The following OPCML variants were observed in gnomAD, a reference collection of about 807,000 sequenced individuals.
The protein encoded by OPCML is opioid-binding protein/cell adhesion molecule.
Under a neutral mutation model 37.8 loss-of-function variants are expected in OPCML, and 13 were observed. That is an observed-to-expected ratio of 0.34 (90% CI 0.22 to 0.55). OPCML has a LOEUF of 0.55. Ranked by LOEUF, OPCML falls within the 20% of genes least tolerant of loss-of-function variation. The pLI, the probability that OPCML is intolerant of heterozygous loss-of-function variation, is 0.91. For missense variants in OPCML, 341 were observed against 435.6 expected (o/e 0.78, Z 1.93); for synonymous variants, 176 against 168.8 (o/e 1.04, Z -0.33).
chr11:133,296,876 C>A (rs537076778), intron 1 of OPCML, among the ~76,000 whole-genome samples: 1 of 152,188 alleles, frequency 6.6e-6, no homozygotes, highest in Non-Finnish European at 1.5e-5. Flanking sequence ...AGAACCCACA[C>A]AATAATTTGA....
chr11:133,422,795 A>G, intron 1 of OPCML: 1 of 900,254 alleles, frequency 1.1e-6, no homozygotes, highest in Non-Finnish European at 1.3e-6. Flanking sequence ...ATATTACAAA[A>G]TAAAAGAAAC....
chr11:132,982,495 G>C (rs1946608093), intron 1 of OPCML, among the ~76,000 whole-genome samples: 1 of 142,948 alleles, frequency 7.0e-6, no homozygotes, highest in African/African-American at 2.7e-5. Flanking sequence ...TAAAAAAGGA[G>C]ACAATAAAAG....
At chr11:132,518,484 G>T (rs1438795887) in intron 4 of OPCML, among the ~76,000 whole-genome samples, 1 of 152,152 alleles carries the variant, frequency 6.6e-6, no homozygotes, top group East Asian at 1.9e-4. Flanking sequence ...ATGCATTCAA[G>T]ACACAGCTCT....
intron 4 of OPCML, among the ~76,000 whole-genome samples, chr11:132,485,449 G>A (rs58882087): frequency 0.036 from 5,539 of 152,202 alleles, 319 homozygotes; most frequent in African/African-American, 0.12. Flanking sequence ...GTTTTGGCAA[G>A]CGTGAACACT....
In OPCML at chr11:132,620,360, T is replaced by A. The variant is rs77460983; in HGVS notation, c.379+36727A>T. Among the ~76,000 whole-genome samples, 1,511 of 152,338 alleles carry A rather than the reference T, an allele frequency of 9.9e-3. 10 individuals carry two copies. The highest frequency in any genetic ancestry group is 0.019 in the South Asian group (92 of 4,828). Reference sequence around the variant, plus strand: ...ACATTTCAGCTCTTGAGAAATTGGATGGATTGGTAATATTGATCAAGCCTA... The same window carrying A: ...ACATTTCAGCTCTTGAGAAATTGGAAGGATTGGTAATATTGATCAAGCCTA... On this transcript the variant is annotated intron_variant, in intron 3 of 7. Coordinates refer to ENST00000524381, the MANE Select transcript of OPCML (RefSeq NM_001012393.5).
At chr11:132,890,979 C>T (rs75360567) in intron 2 of OPCML, among the ~76,000 whole-genome samples, 3,109 of 152,168 alleles carry the variant, frequency 0.02, 90 homozygotes, top group African/African-American at 0.071. Context: ...TCTCCCCTCT[C>T]TATTATGAAG....
Position 133,173,956 on chromosome 11 carries a change from A to G in OPCML, c.62-230946T>C, listed in dbSNP as rs150467397. Among the ~76,000 whole-genome samples, 52 of 152,274 alleles carry G rather than the reference A, an allele frequency of 3.4e-4. 1 individual carries two copies. Among genetic ancestry groups the G allele is most frequent in the African/African-American group, 9.9e-4 (41 of 41,570 alleles). On this transcript the variant is annotated intron_variant, in intron 1 of 7. Coordinates refer to ENST00000524381, the MANE Select transcript of OPCML (RefSeq NM_001012393.5). This position sits in a 1 kb window ranked among gnomAD's most constrained non-coding sequence, Gnocchi z 7.8. Reference sequence around the variant, plus strand: ...CTCTCCCTCCATCCATTCTACAAGGATCCCCAGTCAGCCAATGCACCGGGA... The same window carrying G: ...CTCTCCCTCCATCCATTCTACAAGGGTCCCCAGTCAGCCAATGCACCGGGA...
rs1224734588 is a variant in OPCML, at chr11:133,174,595, G to C, written c.62-231585C>G. ...TACTCTATCTATACAGTAAGTATAT[G>C]CATTTATTTGTGTTGAAAAAATGCT... On this transcript the variant is annotated intron_variant, in intron 1 of 7. Coordinates refer to ENST00000524381, the MANE Select transcript of OPCML (RefSeq NM_001012393.5). The surrounding 1 kb of genome is among the most constrained non-coding windows in gnomAD (Gnocchi z 4.6). 6.9e-6 allele frequency among the ~76,000 whole-genome samples: 1 copy of C among 144,950 alleles called. No individual in the cohort carries two copies. Among genetic ancestry groups the C allele is most frequent in the Non-Finnish European group, 1.5e-5 (1 of 67,278 alleles).
intron 1 of OPCML, among the ~76,000 whole-genome samples, chr11:133,530,748 T>G (rs1477951232): frequency 6.6e-6 from 1 of 152,246 alleles, no homozygotes; most frequent in Non-Finnish European, 1.5e-5. Flanking sequence ...AGCCCATCCC[T>G]GCTTTAAAAA....
chr11:133,244,660 G>T (rs1056090711), intron 1 of OPCML, among the ~76,000 whole-genome samples: 1 of 151,084 alleles, frequency 6.6e-6, no homozygotes, highest in African/African-American at 2.4e-5. Flanking sequence ...CGTGAGATCT[G>T]ACAATTTAAA....
chr11:132,473,931 A>G (rs745748), intron 4 of OPCML, among the ~76,000 whole-genome samples: 75,627 of 151,920 alleles, frequency 0.5, 19,417 homozygotes, highest in East Asian at 0.86. Flanking sequence ...TTGTAGAGAA[A>G]TTAACAGCAC....
At chr11:132,443,652 G>C (rs145675196) in intron 4 of OPCML, among the ~76,000 whole-genome samples, 1 of 152,324 alleles carries the variant, frequency 6.6e-6, no homozygotes, top group East Asian at 1.9e-4. Flanking sequence ...TTTTACTTCT[G>C]TAAGGGAAGA....
chr11:133,284,747 CA>C (rs1158703722), intron 1 of OPCML, among the ~76,000 whole-genome samples: 1 of 152,170 alleles, frequency 6.6e-6, no homozygotes, highest in African/African-American at 2.4e-5. Flanking sequence ...CGGTTTTTAG[CA>C]TTCACCAGTT....
At chr11:132,655,713 A>G (rs1941671725) in intron 3 of OPCML, among the ~76,000 whole-genome samples, 1 of 152,196 alleles carries the variant, frequency 6.6e-6, no homozygotes, top group Non-Finnish European at 1.5e-5. Flanking sequence ...CACACATGCC[A>G]TTACAAATGG....
At chr11:133,382,970 G>C (rs1392905349) in intron 1 of OPCML, among the ~76,000 whole-genome samples, 1 of 152,322 alleles carries the variant, frequency 6.6e-6, no homozygotes, top group South Asian at 2.1e-4. Context: ...TAATGGCACA[G>C]ACATGTGGAG....
intron 1 of OPCML, among the ~76,000 whole-genome samples, chr11:133,062,486 G>T (rs908450975): frequency 6.6e-6 from 1 of 152,162 alleles, no homozygotes. Flanking sequence ...TAATAGAACC[G>T]AGGCTCAAGA....
intron 2 of OPCML, among the ~76,000 whole-genome samples, chr11:132,939,957 T>C (rs189095460): frequency 6.6e-6 from 1 of 152,342 alleles, no homozygotes; most frequent in African/African-American, 2.4e-5. Context: ...TCATTTTCCA[T>C]ATCATCTCTC....
intron 3 of OPCML, among the ~76,000 whole-genome samples, chr11:132,650,937 A>G (rs866674692): frequency 2.6e-5 from 4 of 152,324 alleles, no homozygotes; most frequent in Non-Finnish European, 5.9e-5. Flanking sequence ...TTTGGGTAAT[A>G]TTTAGGAAAA....
chr11:133,230,649 G>A (rs1940238675), intron 1 of OPCML, among the ~76,000 whole-genome samples: 1 of 152,262 alleles, frequency 6.6e-6, no homozygotes, highest in Non-Finnish European at 1.5e-5. Context: ...TCAGTCGCAC[G>A]CAATAAAAGG....
Sources: gnomAD v4.1 joint callset for allele counts (sites outside exome capture counted in the v4.1 genomes callset) on GRCh38, gnomAD v4.1.1 for gene constraint, Gnocchi (gnomAD v3.1) non-coding constraint, MANE v1.5 for transcripts, NCBI Gene and HGNC (gene_info 2026-07-23, HGNC 2026-07-21) for gene names.